Variants in SESN1 observed in about 807,000 individuals in gnomAD.
The protein encoded by SESN1 is sestrin 1.
In SESN1, 30 loss-of-function variants were observed where a neutral mutation model predicts 59.3. The observed-to-expected ratio is 0.51, with a 90% CI of 0.38 to 0.69. The LOEUF (loss-of-function observed/expected upper bound fraction) is 0.69. Ranked by LOEUF, SESN1 falls within the 30% of genes least tolerant of loss-of-function variation. The pLI is 0.00. For missense variants in SESN1, 566 were observed against 673.0 expected, an observed-to-expected ratio of 0.84 and a Z score of 1.76; for synonymous variants, 197 against 219.9, an observed-to-expected ratio of 0.90 and a Z score of 0.92.
chr6:109,009,354 G>A (rs1167985819), intron 1 of SESN1: 2 of 1,470,860 alleles, frequency 1.4e-6, no homozygotes, highest in Non-Finnish European at 1.8e-6. Flanking sequence ...CCCTCGCCCA[G>A]GTACCTCGTC....
chr6:109,009,025 T>TG, intron 1 of SESN1: 1 of 1,011,100 alleles, frequency 9.9e-7, no homozygotes, highest in Non-Finnish European at 1.2e-6. Context: ...TTCTGACTTG[T>TG]GGAGACTTGT....
In SESN1 at chr6:109,067,228, A is replaced by T. The variant is rs147141632; in HGVS notation, c.279+26567T>A. Among the ~76,000 whole-genome samples, 7 of 152,224 alleles carry T rather than the reference A, an allele frequency of 4.6e-5. No individual in the cohort carries two copies. In the East Asian group the frequency reaches 1.4e-3, roughly 29 times the overall value. On this transcript the variant is annotated intron_variant, in intron 1 of 9. Coordinates refer to ENST00000436639, the MANE Select transcript of SESN1 (RefSeq NM_014454.3). Reference sequence around the variant, plus strand: ...TTCCCCTCCCTATCTGTAGGTCTCCAGTCTATCTGGGCACAAAGGGATTGT... The same window carrying T: ...TTCCCCTCCCTATCTGTAGGTCTCCTGTCTATCTGGGCACAAAGGGATTGT...
intron 1 of SESN1, among the ~76,000 whole-genome samples, chr6:109,084,371 G>A (rs534864857): frequency 1.3e-5 from 2 of 152,208 alleles, no homozygotes; most frequent in South Asian, 2.1e-4. Flanking sequence ...AACCAGCCTG[G>A]CCAACATGGT....
At chr6:109,054,790 C>T (rs1265560665) in intron 1 of SESN1, among the ~76,000 whole-genome samples, 6 of 152,126 alleles carry the variant, frequency 3.9e-5, no homozygotes, top group Non-Finnish European at 7.4e-5. Flanking sequence ...TATGATACAA[C>T]TCATTTTTCC....
intron 1 of SESN1, among the ~76,000 whole-genome samples, chr6:109,030,895 C>T (rs1780173053): frequency 1.3e-5 from 2 of 152,200 alleles, no homozygotes; most frequent in African/African-American, 4.8e-5. Context: ...TGCAGGTCTG[C>T]TCTGACTTCA....
intron 1 of SESN1, among the ~76,000 whole-genome samples, chr6:109,054,086 G>A (rs539313682): frequency 3.3e-5 from 5 of 151,512 alleles, no homozygotes; most frequent in Non-Finnish European, 4.4e-5. Flanking sequence ...TAATTTTTTG[G>A]GGGGGGAGGG....
At chr6:109,033,637 C>T (rs1037778084) in intron 1 of SESN1, among the ~76,000 whole-genome samples, 2 of 152,128 alleles carry the variant, frequency 1.3e-5, no homozygotes, top group African/African-American at 4.8e-5. Context: ...TTTATCTCCT[C>T]ATGCCTTAGA....
intron 1 of SESN1, among the ~76,000 whole-genome samples, chr6:109,024,505 A>G (rs1180899833): frequency 1.3e-5 from 2 of 152,220 alleles, no homozygotes; most frequent in African/African-American, 4.8e-5. Context: ...TGACCTCGAT[A>G]TTAGTGCTTC....
At chr6:108,998,804 A>G in intron 4 of SESN1, 49 bp from the exon 5 acceptor site, 1 of 1,550,830 alleles carries the variant, frequency 6.4e-7, no homozygotes, top group African/African-American at 1.4e-5. Flanking sequence ...GGGTGTGGTA[A>G]AAGTATACAG....
intron 1 of SESN1, among the ~76,000 whole-genome samples, chr6:109,034,256 T>C (rs998219192): frequency 6.6e-6 from 1 of 152,228 alleles, no homozygotes; most frequent in Non-Finnish European, 1.5e-5. Flanking sequence ...GTATTTGAGA[T>C]AAAAATTATT....
intron 1 of SESN1, among the ~76,000 whole-genome samples, chr6:109,065,751 T>C (rs958735443): frequency 1.3e-5 from 2 of 152,046 alleles, no homozygotes; most frequent in African/African-American, 4.8e-5. Flanking sequence ...CTTAAAATAC[T>C]GACCCCTTAT....
chr6:109,076,222 T>A (rs74839102), intron 1 of SESN1, among the ~76,000 whole-genome samples: 2,303 of 152,322 alleles, frequency 0.015, 52 homozygotes, highest in African/African-American at 0.053. Flanking sequence ...TACCAACTAG[T>A]ATGAAAACAG....
At chr6:109,084,219 C>T (rs1250870548) in intron 1 of SESN1, among the ~76,000 whole-genome samples, 1 of 152,072 alleles carries the variant, frequency 6.6e-6, no homozygotes, top group Non-Finnish European at 1.5e-5. Context: ...GTAATATAAA[C>T]CACAAAGCTC....
intron 1 of SESN1, among the ~76,000 whole-genome samples, chr6:109,087,582 G>C (rs947821571): frequency 1.3e-5 from 2 of 152,120 alleles, no homozygotes; most frequent in Non-Finnish European, 2.9e-5. Flanking sequence ...GTATGGAAGA[G>C]AGAAGCTTAG....
chr6:109,056,772 C>T (rs1362216191), intron 1 of SESN1, among the ~76,000 whole-genome samples: 3 of 152,184 alleles, frequency 2.0e-5, no homozygotes, highest in Non-Finnish European at 4.4e-5. Flanking sequence ...AGATGGCTCC[C>T]AGTGATGCCT....
chr6:109,060,493 T>C (rs1780713929), intron 1 of SESN1, among the ~76,000 whole-genome samples: 1 of 152,284 alleles, frequency 6.6e-6, no homozygotes, highest in East Asian at 1.9e-4. Context: ...TTCAGTACTG[T>C]GCAGTTTTAT....
intron 1 of SESN1, chr6:109,088,098 A>T (rs1301799413): frequency 6.6e-6 from 1 of 152,174 alleles, no homozygotes; most frequent in African/African-American, 2.4e-5. Flanking sequence ...ACTGAGAGGA[A>T]GTCTGCTAGA....
intron 1 of SESN1, among the ~76,000 whole-genome samples, chr6:109,050,099 G>A (rs1780517865): frequency 6.6e-6 from 1 of 152,194 alleles, no homozygotes; most frequent in Non-Finnish European, 1.5e-5. Context: ...CAAACTGGTG[G>A]ATAGGCATCT....
intron 1 of SESN1, among the ~76,000 whole-genome samples, chr6:109,020,890 A>G (rs1780001127): frequency 6.6e-6 from 1 of 152,224 alleles, no homozygotes; most frequent in South Asian, 2.1e-4. Context: ...CTCTTCAAAT[A>G]CTACTTAAAC....
Sources: allele counts gnomAD v4.1 joint callset (sites outside exome capture counted in the v4.1 genomes callset), GRCh38; gene constraint gnomAD v4.1.1; transcripts MANE v1.5; gene names NCBI Gene and HGNC (gene_info 2026-07-23, HGNC 2026-07-21).